Variants in DACH1 observed in about 807,000 individuals in gnomAD.
DACH1 encodes the protein dachshund homolog 1.
In DACH1, 12 loss-of-function variants were observed where a neutral mutation model predicts 54.2. That is an observed-to-expected ratio of 0.22 (90% CI 0.14 to 0.36). The LOEUF is 0.36. Ranked by LOEUF, DACH1 falls within the 10% of genes least tolerant of loss-of-function variation. The probability of loss-of-function intolerance (pLI) is 1.00; values close to 1 mark genes in which losing one functional copy is unlikely to be tolerated. For synonymous variants in DACH1, 386 were observed against 366.2 expected, an observed-to-expected ratio of 1.05 and a Z score of -0.62; for missense variants, 805 against 929.8, an observed-to-expected ratio of 0.87 and a Z score of 1.75.
chr13:71,559,980 G>A (rs1404250623), intron 4 of DACH1, 25 bp from the exon 5 acceptor site: 3 of 1,481,408 alleles, frequency 2.0e-6, no homozygotes, highest in Non-Finnish European at 2.7e-6. Flanking sequence ...GAGGGAAGGA[G>A]GGTAGAAAAG....
At chr13:71,553,902 A>G (rs1472452968) in intron 6 of DACH1, among the ~76,000 whole-genome samples, 1 of 151,804 alleles carries the variant, frequency 6.6e-6, no homozygotes, top group Non-Finnish European at 1.5e-5. Flanking sequence ...TGATTCTCAG[A>G]ATACAAATAA....
intron 1 of DACH1, among the ~76,000 whole-genome samples, chr13:71,771,941 C>T (rs939436187): frequency 6.7e-6 from 1 of 149,244 alleles, no homozygotes; most frequent in African/African-American, 2.4e-5. Flanking sequence ...AATCATCAAA[C>T]ATTGAAATTC....
chr13:71,767,287 T>C (rs1466880224), intron 1 of DACH1, among the ~76,000 whole-genome samples: 1 of 152,082 alleles, frequency 6.6e-6, no homozygotes, highest in Non-Finnish European at 1.5e-5. Context: ...AAAACTGTTA[T>C]AAGAATCTAA....
chr13:71,563,413 A>G (rs980311454), intron 4 of DACH1, among the ~76,000 whole-genome samples: 4 of 152,024 alleles, frequency 2.6e-5, no homozygotes, highest in Non-Finnish European at 5.9e-5. Context: ...GCATGAGAAT[A>G]TAATTTTTCT....
chr13:71,786,655 C>G (rs574265941), intron 1 of DACH1, among the ~76,000 whole-genome samples: 1 of 152,036 alleles, frequency 6.6e-6, no homozygotes, highest in Non-Finnish European at 1.5e-5. Context: ...AGAAAGGACA[C>G]AAATTAACAA....
intron 3 of DACH1, among the ~76,000 whole-genome samples, chr13:71,578,059 T>C (rs985394270): frequency 2.6e-5 from 4 of 152,198 alleles, no homozygotes; most frequent in Non-Finnish European, 1.5e-5. Context: ...AAATGCCTTT[T>C]AAATTACTTG....
chr13:71,728,932 T>C (rs770263761), intron 1 of DACH1, among the ~76,000 whole-genome samples: 1 of 152,204 alleles, frequency 6.6e-6, no homozygotes, highest in East Asian at 1.9e-4. Context: ...TTTTTAACTA[T>C]GTAAATTAAA....
chr13:71,456,346 C>T (rs543854092), intron 10 of DACH1, among the ~76,000 whole-genome samples: 31 of 152,008 alleles, frequency 2.0e-4, no homozygotes, highest in African/African-American at 7.2e-4. Flanking sequence ...TAACATAGGC[C>T]ACTATTTCCA....
chr13:71,486,812 TTATC>T (rs4053561), intron 7 of DACH1, among the ~76,000 whole-genome samples: 5,853 of 41,534 alleles, frequency 0.14, 246 homozygotes, highest in African/African-American at 0.17. Context: ...ATTTATTTAT[TTATC>T]TATCTATCTA....
At chr13:71,761,089 A>G (rs1885383365) in intron 1 of DACH1, among the ~76,000 whole-genome samples, 1 of 151,822 alleles carries the variant, frequency 6.6e-6, no homozygotes, top group Admixed American at 6.6e-5. Context: ...CCAAATTTTA[A>G]TAATTTGAAA....
At chr13:71,753,824 G>C (rs1885025287) in intron 1 of DACH1, among the ~76,000 whole-genome samples, 1 of 152,108 alleles carries the variant, frequency 6.6e-6, no homozygotes, top group African/African-American at 2.4e-5. Context: ...AAGCTGCCAA[G>C]AGCTGTAAAC....
intron 1 of DACH1, among the ~76,000 whole-genome samples, chr13:71,838,457 G>C (rs1888881967): frequency 6.6e-6 from 1 of 152,076 alleles, no homozygotes; most frequent in African/African-American, 2.4e-5. Context: ...ATTTGGTGAA[G>C]AAAAGAATTT....
intron 1 of DACH1, among the ~76,000 whole-genome samples, chr13:71,808,140 A>G (rs916923430): frequency 3.9e-5 from 6 of 152,084 alleles, no homozygotes; most frequent in African/African-American, 1.2e-4. Flanking sequence ...CAGATCTTAA[A>G]TTGCTTTCTT....
intron 1 of DACH1, among the ~76,000 whole-genome samples, chr13:71,775,193 C>T (rs1181184768): frequency 1.6e-5 from 2 of 125,956 alleles, no homozygotes; most frequent in East Asian, 2.5e-4. Context: ...ATCCTACCTA[C>T]TCAGGAGGCT....
intron 6 of DACH1, among the ~76,000 whole-genome samples, chr13:71,519,311 A>AATAGT (rs1277333125): frequency 6.6e-6 from 1 of 151,836 alleles, no homozygotes; most frequent in Non-Finnish European, 1.5e-5. Flanking sequence ...TATGACGGGA[A>AATAGT]ATAGTATTTA....
chr13:71,482,548 C>T (rs1285241636), intron 7 of DACH1, among the ~76,000 whole-genome samples: 2 of 152,028 alleles, frequency 1.3e-5, no homozygotes, highest in East Asian at 3.9e-4. Context: ...AATCACCATC[C>T]TAACCAAATA....
chr13:71,757,814 C>T (rs1296963932), intron 1 of DACH1, among the ~76,000 whole-genome samples: 4 of 152,098 alleles, frequency 2.6e-5, no homozygotes, highest in East Asian at 1.9e-4. Context: ...TGAGCCACCA[C>T]GCCTGGCCTT....
intron 1 of DACH1, among the ~76,000 whole-genome samples, chr13:71,815,480 T>C (rs534194500): frequency 6.6e-6 from 1 of 152,238 alleles, no homozygotes; most frequent in East Asian, 1.9e-4. Context: ...TCAAACAAGG[T>C]GGTAATAGCA....
At chr13:71,681,101 C>T (rs1424754337) in intron 2 of DACH1, among the ~76,000 whole-genome samples, 2 of 151,932 alleles carry the variant, frequency 1.3e-5, no homozygotes, top group Non-Finnish European at 2.9e-5. Context: ...GGATCTGGCT[C>T]ATTTCCTGAT....
Sources: gnomAD v4.1 joint callset for allele counts (sites outside exome capture counted in the v4.1 genomes callset) on GRCh38, gnomAD v4.1.1 for gene constraint, MANE v1.5 for transcripts, NCBI Gene and HGNC (gene_info 2026-07-23, HGNC 2026-07-21) for gene names.